Variants in KLHDC4 observed in about 807,000 individuals in gnomAD.
The protein encoded by KLHDC4 is kelch domain containing 4.
KLHDC4 carries 90 observed loss-of-function variants against 62.4 expected under a neutral mutation model. That is an observed-to-expected ratio of 1.44 (90% CI 1.22 to 1.72). KLHDC4 has a LOEUF of 1.72. KLHDC4 is among the 40% of genes most tolerant of loss of function. The pLI, the probability that KLHDC4 is intolerant of heterozygous loss-of-function variation, is 0.00. For missense variants in KLHDC4, 1,025 were observed against 699.7 expected, an observed-to-expected ratio of 1.47 and a Z score of -5.25; for synonymous variants, 386 against 284.4, an observed-to-expected ratio of 1.36 and a Z score of -3.59.
rs2044883664 is a variant in KLHDC4 at position 87,756,296 on chromosome 16, G to C, written c.270+103C>G. 4.8e-6 allele frequency: 4 copies of C among 841,726 alleles called. No individual in the cohort carries two copies. The East Asian group carries it at 1.0e-4, about 21-fold the overall frequency. 52.1% of individuals were successfully genotyped at this position (841,726 alleles called of 1,614,324 possible). On this transcript the variant is annotated intron_variant, in intron 3 of 11. Transcript: ENST00000270583. ...GACGGCTCAAGCGCGTGATACAAGGGGTGAAGGGGCTAACGCATATTTGAT... is the reference window on the plus strand; with the variant it reads ...GACGGCTCAAGCGCGTGATACAAGGCGTGAAGGGGCTAACGCATATTTGAT...
chr16:87,711,410 C>G lies in KLHDC4; in HGVS notation c.869G>C (p.Gly290Ala). 6.2e-7 allele frequency: 1 copy of G among 1,612,916 alleles called. No individual in the cohort carries two copies. Among genetic ancestry groups the G allele is most frequent in the Non-Finnish European group, 8.5e-7 (1 of 1,179,932 alleles). ...GCCAGACCGTGGGGTGGGCTTGACC[C>G]CCGAAGGGTTCATCCGAGTCCAAAC... ...KWVWTRMNPS[G>A]VKPTPRSGFS... is the part of the protein sequence containing the mutation. The change falls in exon 9 of 12, where the codon GGG (glycine) becomes GCG (alanine). Residue 290 changes from glycine to alanine, a missense_variant. Coordinates refer to ENST00000270583, the MANE Select transcript of KLHDC4 (RefSeq NM_017566.4).
exon 1 of KLHDC4, chr16:87,701,142 G>A (rs1357019516): frequency 3.2e-5 from 6 of 186,668 alleles, no homozygotes; most frequent in East Asian, 3.1e-4. Flanking sequence ...TGCACAGCGC[G>A]TGGGGGGTGG....
At chr16:87,757,198 A>AAG in intron 2 of KLHDC4, 1 of 151,974 alleles carries the variant, frequency 6.6e-6, no homozygotes, top group Non-Finnish European at 1.5e-5. Flanking sequence ...GGCCAGGAGC[A>AAG]GTGGCTCCTG....
chr16:87,762,233 G>C lies in KLHDC4; in HGVS notation c.100-193C>G, dbSNP rs1371516785. 4.1e-6 allele frequency: 5 copies of C among 1,224,674 alleles called. No individual in the cohort carries two copies. In the African/African-American group the frequency reaches 4.6e-5, roughly 11 times the overall value. 75.9% of individuals were successfully genotyped at this position (1,224,674 alleles called of 1,614,324 possible). ...TAACCAGAGCTTGACCTCAAAGGCA[G>C]TCTGCTTAAAGGGTAGATGTGTGCA... On this transcript the variant is annotated intron_variant, in intron 1 of 11. Transcript: ENST00000270583.
upstream of KLHDC4, chr16:87,702,638 G>A (rs902426775): frequency 4.3e-6 from 1 of 231,854 alleles, no homozygotes; most frequent in Non-Finnish European, 8.8e-6. Context: ...GCCCGGCGGA[G>A]AAAAAAACCA....
rs371149160 is a variant in KLHDC4, at chr16:87,709,671, T to A, written c.1045-4A>T. 6 of 1,582,184 alleles carry A rather than the reference T, an allele frequency of 3.8e-6. No individual in the cohort carries two copies. Among genetic ancestry groups the A allele is most frequent in the Non-Finnish European group, 5.2e-6 (6 of 1,162,576 alleles). ...TCTTCTTTTCAGACTTGGGTCCCTATTAATAGACCGAGGAAGCAGAGAGCA... is the reference window on the plus strand; with the variant it reads ...TCTTCTTTTCAGACTTGGGTCCCTAATAATAGACCGAGGAAGCAGAGAGCA... On this transcript the variant is annotated splice_region_variant and splice_polypyrimidine_tract_variant and intron_variant, in intron 9 of 11. Transcript: ENST00000270583.
chr16:87,741,621 G>A (rs546922103), intron 5 of KLHDC4, among the ~76,000 whole-genome samples: 72 of 143,496 alleles, frequency 5.0e-4, no homozygotes, highest in African/African-American at 1.8e-3. Context: ...GAAAAGGGTG[G>A]GGACCATTGC....
chr16:87,718,181 G>C lies in KLHDC4; in HGVS notation c.760-3608C>G, dbSNP rs557350147. Among the ~76,000 whole-genome samples, 13 of 152,304 alleles carry C rather than the reference G, an allele frequency of 8.5e-5. No homozygotes were observed. In the South Asian group the frequency reaches 2.5e-3, roughly 29 times the overall value. On this transcript the variant is annotated intron_variant, in intron 7 of 11. Coordinates refer to ENST00000270583, the MANE Select transcript of KLHDC4 (RefSeq NM_017566.4). ...AAAGAAAGTAACAGACAACGGCCTT[G>C]TTGCCCTCTGTTTTTCTGGATCACC...
chr16:87,725,045 C>T (rs2039095901), intron 7 of KLHDC4, among the ~76,000 whole-genome samples: 4 of 152,088 alleles, frequency 2.6e-5, no homozygotes, highest in South Asian at 4.1e-4. Context: ...AAACATGCAA[C>T]ACGTGGGTCT....
chr16:87,723,123 T>C (rs1482473473), intron 7 of KLHDC4, among the ~76,000 whole-genome samples: 1 of 152,222 alleles, frequency 6.6e-6, no homozygotes, highest in Admixed American at 6.5e-5. Context: ...GTACGGGCCA[T>C]GTACCAAAGT....
At chr16:87,716,155 C>T (rs1362989922) in intron 7 of KLHDC4, among the ~76,000 whole-genome samples, 2 of 150,044 alleles carry the variant, frequency 1.3e-5, no homozygotes, top group South Asian at 2.1e-4. Flanking sequence ...ACTTTGGGTA[C>T]GCGCTATGTC....
Position 87,755,258 on chromosome 16 carries a change from G to C in KLHDC4, c.305C>G (p.Thr102Ser). 1 of 1,607,064 alleles carries C rather than the reference G, an allele frequency of 6.2e-7. No homozygotes were observed. The highest frequency in any genetic ancestry group is 8.5e-7 in the Non-Finnish European group (1 of 1,173,980). The change falls in exon 4 of 12, where the codon ACC becomes AGC. Residue 102 changes from threonine to serine, a missense_variant. Physicochemically the swap from Thr to Ser is moderately conservative, Grantham distance 58. Transcript: ENST00000270583. ...FLYNELYVYNTRKDTWTKVDI... is the reference protein window; with the variant it reads ...FLYNELYVYNSRKDTWTKVDI... ...AACTTTGGTCCAGGTGTCCTTTCTGGTATTGTAGACATAGAGCTCGTTATA... is the reference window on the plus strand; with the variant it reads ...AACTTTGGTCCAGGTGTCCTTTCTGCTATTGTAGACATAGAGCTCGTTATA...
At chr16:87,764,646 CAAAAAAAAAAAAAAA>C (rs564692904) in intron 1 of KLHDC4, among the ~76,000 whole-genome samples, 10 of 33,818 alleles carry the variant, frequency 3.0e-4, no homozygotes, top group South Asian at 2.4e-3. Flanking sequence ...GAAACTCCTT[CAAAAAAAAAAAAAAA>C]AAAAAAAAAA....
intron 1 of KLHDC4, 174 bp from the exon 2 acceptor site, chr16:87,762,214 G>A: frequency 7.4e-7 from 1 of 1,359,108 alleles, no homozygotes; most frequent in Non-Finnish European, 9.7e-7. Context: ...AAAGTAACCA[G>A]AGCTTGACCT....
At chr16:87,699,301 T>C (rs1567625838) in exon 1 of KLHDC4, 2 of 152,304 alleles carry the variant, frequency 1.3e-5, no homozygotes, top group Non-Finnish European at 2.9e-5. Flanking sequence ...TTATCCATTC[T>C]TTTGGATCTA....
At chr16:87,711,503 C>G (rs1469625532) in intron 8 of KLHDC4, 60 bp from the exon 9 acceptor site, 17 of 1,456,072 alleles carry the variant, frequency 1.2e-5, no homozygotes, top group Non-Finnish European at 1.6e-5. Context: ...GAGAGCCAGC[C>G]CAGGACACGC....
At chr16:87,735,856 C>G (rs2041220505) in intron 5 of KLHDC4, among the ~76,000 whole-genome samples, 1 of 152,204 alleles carries the variant, frequency 6.6e-6, no homozygotes, top group South Asian at 2.1e-4. Flanking sequence ...GCAGGGCAAG[C>G]TGCCAGGCAG....
chr16:87,717,882 C>T (rs1017242189), intron 7 of KLHDC4, among the ~76,000 whole-genome samples: 5 of 152,178 alleles, frequency 3.3e-5, no homozygotes, highest in Non-Finnish European at 7.3e-5. Flanking sequence ...GCAACATTGT[C>T]TTCTTAGAAT....
intron 5 of KLHDC4, chr16:87,743,094 G>A (rs1567775493): frequency 6.6e-6 from 1 of 152,234 alleles, no homozygotes; most frequent in Non-Finnish European, 1.5e-5. Context: ...CTTTATAAAT[G>A]TGTATGCCTT....
Sources: allele counts gnomAD v4.1 joint callset (sites outside exome capture counted in the v4.1 genomes callset), GRCh38; gene constraint gnomAD v4.1.1; transcripts MANE v1.5; gene names NCBI Gene and HGNC (gene_info 2026-07-23, HGNC 2026-07-21).